The following TUBGCP6 variants were observed in gnomAD, a reference collection of about 807,000 sequenced individuals.
The protein encoded by TUBGCP6 is gamma-tubulin complex component 6.
In TUBGCP6, 161 loss-of-function variants were observed where a neutral mutation model predicts 175.8. The observed-to-expected ratio is 0.92, with a 90% CI of 0.81 to 1.04. The LOEUF (loss-of-function observed/expected upper bound fraction) is 1.04. TUBGCP6 is among the 50% of genes least tolerant of loss of function. The pLI, the probability that TUBGCP6 is intolerant of heterozygous loss-of-function variation, is 0.00. For missense variants in TUBGCP6, 2,572 were observed against 2,433.0 expected, an observed-to-expected ratio of 1.06 and a Z score of -1.20; for synonymous variants, 1,173 against 1,030.5, an observed-to-expected ratio of 1.14 and a Z score of -2.65.
At position 50,244,790 on chromosome 22, in the gene TUBGCP6, C is replaced by A; in HGVS notation, c.-331G>T. ...AAAACCGAAGAACGAAACGCGCGCC[C>A]GCGCAGTACAGCGGACGAACTCGGC... On this transcript the variant is annotated 5_prime_UTR_variant, in exon 1 of 25. Transcript: ENST00000248846. 1 of 311,384 alleles carries A rather than the reference C, an allele frequency of 3.2e-6. No homozygotes were observed. Among genetic ancestry groups the A allele is most frequent in the Non-Finnish European group, 6.0e-6 (1 of 165,806 alleles). 19.3% of individuals were successfully genotyped at this position (311,384 alleles called of 1,614,324 possible).
chr22:50,241,884 C>G (rs1396993476), intron 1 of TUBGCP6, among the ~76,000 whole-genome samples: 1 of 147,392 alleles, frequency 6.8e-6, no homozygotes, highest in Non-Finnish European at 1.5e-5. Context: ...TTTCTTCTAT[C>G]TCTGTCTTGT....
intron 4 of TUBGCP6, 29 bp from the exon 5 acceptor site, chr22:50,228,057 G>C (rs187024701): frequency 7.3e-6 from 11 of 1,512,440 alleles, no homozygotes; most frequent in Non-Finnish European, 9.8e-6. Context: ...GGAGGAGGGC[G>C]GCCAGGCACA....
chr22:50,221,372 C>T lies in TUBGCP6; in HGVS notation c.2987G>A (p.Gly996Asp). 3 of 1,610,002 alleles carry T rather than the reference C, an allele frequency of 1.9e-6. No individual in the cohort carries two copies. The highest frequency in any genetic ancestry group is 2.5e-6 in the Non-Finnish European group (3 of 1,179,750). The change falls in exon 16 of 25, where the codon GGC becomes GAC. Residue 996 changes from glycine to aspartate, a missense_variant. By Grantham distance (94) the Gly-to-Asp change is moderately conservative. Transcript: ENST00000248846. ...EDSCGKMDAC[G>D]SASRETLLPS... ...GAGCAGAGTCTCCCGCGAGGCGGAG[C>T]CACAGGCATCCATCTTCCCACAACT... is the stretch of plus-strand genomic sequence containing the variant.
intron 7 of TUBGCP6, 151 bp downstream of exon 7, chr22:50,226,581 TG>T (rs917298821): frequency 1.1e-4 from 6 of 56,944 alleles, no homozygotes; most frequent in African/African-American, 1.0e-3. Context: ...GGGGGCAGGG[TG>T]GGGGGTTGGG....
At position 50,217,705 on chromosome 22, in the gene TUBGCP6, C is replaced by G. The variant is rs760072668; in HGVS notation, c.*31G>C. The G allele has an allele frequency of 6.2e-7, 1 of 1,605,158 alleles. No individual in the cohort carries two copies. Among genetic ancestry groups the G allele is most frequent in the African/African-American group, 1.3e-5 (1 of 74,752 alleles). On this transcript the variant is annotated 3_prime_UTR_variant, in exon 25 of 25. Transcript: ENST00000248846. ...AGCTGCAGACAGGGTCCGAGAACAC[C>G]TTTATTGTGCACGTCCCCCGCAGAG...
intron 3 of TUBGCP6, among the ~76,000 whole-genome samples, chr22:50,231,497 C>G (rs80104211): frequency 0.027 from 4,087 of 150,586 alleles, 109 homozygotes; most frequent in East Asian, 0.13. Context: ...ATAGAGAGAA[C>G]CAAACAAAAA....
At chr22:50,234,155 C>T (rs1446781986) in intron 2 of TUBGCP6, among the ~76,000 whole-genome samples, 1 of 150,662 alleles carries the variant, frequency 6.6e-6, no homozygotes, top group African/African-American at 2.5e-5. Flanking sequence ...TCCACAGCAG[C>T]ATCACCCACA....
chr22:50,227,334 C>A (rs1214428651), intron 5 of TUBGCP6, among the ~76,000 whole-genome samples: 2 of 152,106 alleles, frequency 1.3e-5, no homozygotes, highest in Non-Finnish European at 2.9e-5. Flanking sequence ...CTCCCAGGAT[C>A]TGGCCAACAC....
In TUBGCP6 at chr22:50,229,541, C is replaced by T. The variant is rs772405798; in HGVS notation, c.1153G>A (p.Val385Met). 93 of 1,602,468 alleles carry T rather than the reference C, an allele frequency of 5.8e-5. No homozygotes were observed. The East Asian group carries it at 1.0e-3, about 18-fold the overall frequency. ...ATGCTCTCGGGAGACGCTCCTGACA[C>T]GTGGACGCCCCGCTTCACCACAAAG... The part of the protein sequence containing the change: ...QAFVVKRGVH[V>M]SGASPESISS... The change falls in exon 4 of 25, where the codon GTG becomes ATG. Residue 385 changes from valine (V) to methionine (M), a missense_variant. Coordinates refer to ENST00000248846, the MANE Select transcript of TUBGCP6 (RefSeq NM_020461.4).
chr22:50,225,048 ACCGCCCCC>A (rs2064584436), intron 10 of TUBGCP6, among the ~76,000 whole-genome samples: 1 of 3,784 alleles, frequency 2.6e-4, no homozygotes, highest in South Asian at 4.4e-3. Flanking sequence ...ATGGCAGGAC[ACCGCCCCC>A]CCGCCCACCC....
At position 50,221,864 on chromosome 22, in the gene TUBGCP6, G is replaced by T; in HGVS notation, c.2495C>A (p.Pro832Gln). ...GCCTCCCTCTGGGTGCTCAGGGCCC[G>T]GAGACGTGACCTGAAACACAGGTGA... ...LLSVHPQVTS[P>Q]GPEHPEGGQG... is the part of the protein sequence containing the mutation. Residue 832 changes from proline (P) to glutamine (Q), a missense_variant, in exon 16 of 25, where the codon CCG (proline) becomes CAG (glutamine). Transcript: ENST00000248846. 6.6e-7 allele frequency: 1 copy of T among 1,512,962 alleles called. No individual in the cohort carries two copies. Among genetic ancestry groups the T allele is most frequent in the Non-Finnish European group, 8.8e-7 (1 of 1,131,038 alleles). The allele number at this position is 1,512,962 out of a possible 1,614,324, so 93.7% of individuals were successfully genotyped here. A position where few individuals can be genotyped will look rare whatever the true frequency, so the allele number is the denominator to read the frequency against.
At chr22:50,235,029 C>T (rs1024977977) in intron 2 of TUBGCP6, among the ~76,000 whole-genome samples, 3 of 150,650 alleles carry the variant, frequency 2.0e-5, no homozygotes, top group African/African-American at 7.3e-5. Context: ...CACCCCCTGT[C>T]CACGGCAGCA....
intron 14 of TUBGCP6, 100 bp downstream of exon 14, chr22:50,222,354 C>T (rs2064541402): frequency 6.5e-6 from 10 of 1,533,798 alleles, no homozygotes; most frequent in East Asian, 4.5e-5. Flanking sequence ...AAGCCACCAG[C>T]CCTCTCCTAG....
chr22:50,228,235 C>G (rs1757464638), intron 4 of TUBGCP6, among the ~76,000 whole-genome samples: 1 of 82,226 alleles, frequency 1.2e-5, no homozygotes, highest in Non-Finnish European at 2.7e-5. Context: ...GAAGCTGTGG[C>G]CCACCACCAA....
rs779764756 is a variant in TUBGCP6 at position 50,227,009 on chromosome 22, G to A, written c.1481C>T (p.Ala494Val). The A allele has an allele frequency of 1.1e-5, 18 of 1,611,978 alleles. No individual in the cohort carries two copies. Among genetic ancestry groups the A allele is most frequent in the Middle Eastern group, 3.3e-4 (2 of 6,046 alleles). ...PGTCGGGPRA[A>V]FPTGVKLLSY... ...GGACGCACAACTCACGGTGGGAAACGCGGCCCTGGGGCCTCCTCCACAGGT... is the reference window on the plus strand; with the variant it reads ...GGACGCACAACTCACGGTGGGAAACACGGCCCTGGGGCCTCCTCCACAGGT... The change falls in exon 6 of 25, where the codon GCG becomes GTG. Residue 494 changes from alanine to valine, a missense_variant. Physicochemically the swap from Ala to Val is moderately conservative, Grantham distance 64 (BLOSUM62 0). Coordinates refer to ENST00000248846, the MANE Select transcript of TUBGCP6 (RefSeq NM_020461.4).
intron 10 of TUBGCP6, 73 bp downstream of exon 10, chr22:50,225,720 GC>G: frequency 1.3e-6 from 2 of 1,533,044 alleles, no homozygotes; most frequent in South Asian, 1.2e-5. Context: ...CCTCATGTCC[GC>G]CCCACCAACC....
At position 50,221,245 on chromosome 22, in the gene TUBGCP6, G is replaced by A; in HGVS notation, c.3114C>T (p.Asp1038=). The change falls in exon 16 of 25, where the codon GAC becomes GAT. Residue 1038 remains aspartate (D), a synonymous_variant. Coordinates refer to ENST00000248846, the MANE Select transcript of TUBGCP6 (RefSeq NM_020461.4). ...QVSGGGLPTG[D]YASEIAPTRP... is the part of the protein sequence containing the mutation. ...GGGTGGGAGCTATTTCAGAAGCGTAGTCCCCTGTGGGAAGACCACCCCCTG... is the reference window on the plus strand; with the variant it reads ...GGGTGGGAGCTATTTCAGAAGCGTAATCCCCTGTGGGAAGACCACCCCCTG... The A allele has an allele frequency of 5.0e-6, 8 of 1,614,140 alleles. No individual in the cohort carries two copies. Among genetic ancestry groups the A allele is most frequent in the Non-Finnish European group, 6.8e-6 (8 of 1,180,038 alleles).
In TUBGCP6 at chr22:50,224,146, C is replaced by A. The variant is rs769272800; in HGVS notation, c.2265G>T (p.Lys755Asn). Residue 755 changes from lysine (K) to asparagine (N), a missense_variant, in exon 13 of 25, where the codon AAG becomes AAT. Physicochemically the swap from Lys to Asn is moderately conservative, Grantham distance 94. Transcript: ENST00000248846. ...TGGAGCCCGGGCTGCCCTACCTCGCCTTCCTCTCCAGCTCCTCCTCCAGGG... is the reference window on the plus strand; with the variant it reads ...TGGAGCCCGGGCTGCCCTACCTCGCATTCCTCTCCAGCTCCTCCTCCAGGG... ...LKSLEEELER[K>N]ARQALVDHYS... The A allele has an allele frequency of 4.2e-5, 67 of 1,613,220 alleles. No homozygotes were observed. The highest frequency in any genetic ancestry group is 5.7e-5 in the Non-Finnish European group (67 of 1,179,992).
chr22:50,229,145 A>G (rs1289966318), intron 4 of TUBGCP6, among the ~76,000 whole-genome samples: 1 of 152,060 alleles, frequency 6.6e-6, no homozygotes, highest in Non-Finnish European at 1.5e-5. Context: ...CGCACCCCTT[A>G]TGCTGGCTGC....
Sources: gnomAD v4.1 joint callset for allele counts (sites outside exome capture counted in the v4.1 genomes callset) on GRCh38, gnomAD v4.1.1 for gene constraint, MANE v1.5 for transcripts, NCBI Gene and HGNC (gene_info 2026-07-23, HGNC 2026-07-21) for gene names.